FILIP1L: variants seen among roughly 807,000 people sequenced by gnomAD.
FILIP1L encodes filamin A interacting protein 1 like.
A neutral mutation model predicts 96.6 loss-of-function variants in FILIP1L; 55 were observed. The ratio of observed to expected loss-of-function variants is 0.57; its 90% CI spans 0.46 to 0.71. The LOEUF (loss-of-function observed/expected upper bound fraction) is 0.71, where lower values mean the gene tolerates loss of function less well. FILIP1L is among the 30% of genes least tolerant of loss of function. The probability of loss-of-function intolerance (pLI) is 0.00; values close to 1 mark genes in which losing one functional copy is unlikely to be tolerated. For missense variants in FILIP1L, 1,304 were observed against 1,321.2 expected, an observed-to-expected ratio of 0.99 and a Z score of 0.20; for synonymous variants, 467 against 473.9, an observed-to-expected ratio of 0.99 and a Z score of 0.19.
At chr3:99,896,206 A>G (rs1706246947) in intron 4 of FILIP1L, among the ~76,000 whole-genome samples, 5 of 152,238 alleles carry the variant, frequency 3.3e-5, no homozygotes, top group Admixed American at 3.3e-4. Context: ...TAAAGGGAGT[A>G]GGTCAGAGAT....
chr3:100,091,280 G>A (rs1463610899), intron 1 of FILIP1L, among the ~76,000 whole-genome samples: 12 of 134,298 alleles, frequency 8.9e-5, no homozygotes, highest in Non-Finnish European at 1.7e-4. Context: ...GCGAGACTCC[G>A]TCTCAAAAAA....
At chr3:100,065,745 A>G (rs2065652928) in intron 1 of FILIP1L, among the ~76,000 whole-genome samples, 1 of 152,234 alleles carries the variant, frequency 6.6e-6, no homozygotes, top group Non-Finnish European at 1.5e-5. Context: ...TTAGTCCAAC[A>G]GCCTCTCAGT....
chr3:99,925,587 A>T (rs911066579), intron 3 of FILIP1L, among the ~76,000 whole-genome samples: 17 of 148,006 alleles, frequency 1.1e-4, no homozygotes, highest in Admixed American at 2.1e-4. Context: ...TTTAAAAAAA[A>T]TTTTTGATTA....
At chr3:99,871,319 G>A (rs560436113) in intron 4 of FILIP1L, among the ~76,000 whole-genome samples, 2 of 151,582 alleles carry the variant, frequency 1.3e-5, no homozygotes, top group South Asian at 4.2e-4. Flanking sequence ...CTTTTTTTTT[G>A]TATCAAATAA....
chr3:100,064,761 G>A lies in FILIP1L; in HGVS notation c.-11+49292C>T, dbSNP rs187659328. ...CTGTAAGAACATTCTAATAAGTTCC[G>A]TGTTGCTGTCTACTACATGAGAGTC... On this transcript the variant is annotated intron_variant, in intron 1 of 5. Coordinates refer to ENST00000477258, the MANE Select transcript of FILIP1L (RefSeq NM_001387850.1). Among the ~76,000 whole-genome samples, 26 of 152,186 alleles carry A rather than the reference G, an allele frequency of 1.7e-4. No homozygotes were observed. The South Asian group carries it at 2.1e-3, about 12-fold the overall frequency.
At chr3:99,969,609 A>G (rs924737922) in intron 1 of FILIP1L, among the ~76,000 whole-genome samples, 1 of 152,186 alleles carries the variant, frequency 6.6e-6, no homozygotes, top group Non-Finnish European at 1.5e-5. Context: ...TCAAGGAACT[A>G]TGGTTTTCCA....
At chr3:99,847,918 C>A in intron 5 of FILIP1L, 1 of 987,794 alleles carries the variant, frequency 1.0e-6, no homozygotes, top group Non-Finnish European at 1.2e-6. Context: ...GAAAATTCAG[C>A]AAGCAATGGT....
chr3:99,907,951 T>C (rs764520744), intron 4 of FILIP1L, among the ~76,000 whole-genome samples: 19 of 152,204 alleles, frequency 1.2e-4, no homozygotes, highest in Non-Finnish European at 2.5e-4. Flanking sequence ...CATTTTGAAA[T>C]GAATGAATAA....
chr3:100,071,280 G>T (rs891719094), intron 1 of FILIP1L, among the ~76,000 whole-genome samples: 1 of 152,004 alleles, frequency 6.6e-6, no homozygotes, highest in Non-Finnish European at 1.5e-5. Context: ...TACATAACTA[G>T]CTGGGTAAGA....
chr3:99,950,967 T>C (rs1424485572), intron 1 of FILIP1L, among the ~76,000 whole-genome samples: 1 of 152,232 alleles, frequency 6.6e-6, no homozygotes, highest in African/African-American at 2.4e-5. Flanking sequence ...GCCCTTGGAA[T>C]AACTCAAAAC....
intron 4 of FILIP1L, among the ~76,000 whole-genome samples, chr3:99,896,955 C>T (rs1435633105): frequency 2.6e-5 from 4 of 152,196 alleles, no homozygotes; most frequent in South Asian, 4.1e-4. Context: ...TATTTTCAGT[C>T]GCAAAATTTA....
At chr3:99,938,898 T>G (rs1329735432) in intron 1 of FILIP1L, among the ~76,000 whole-genome samples, 1 of 152,208 alleles carries the variant, frequency 6.6e-6, no homozygotes, top group African/African-American at 2.4e-5. Context: ...CTCAGCCAGC[T>G]GCAGTAAAGC....
At chr3:99,952,726 G>A (rs1026436306) in intron 1 of FILIP1L, among the ~76,000 whole-genome samples, 1 of 152,116 alleles carries the variant, frequency 6.6e-6, no homozygotes, top group Non-Finnish European at 1.5e-5. Flanking sequence ...TACTAGCTTT[G>A]AGTGAAGAAG....
Position 99,850,166 on chromosome 3 carries a change from G to T in FILIP1L, c.1510C>A (p.Arg504=). Residue 504 remains arginine (R), a synonymous_variant, in exon 5 of 6, where the codon CGG becomes AGG. Transcript: ENST00000477258. ...KTLTVMFVDE[R]KTMSEKLKKT... ...TTTAATTTTTCACTCATTGTTTTCC[G>T]TTCATCTACAAACATCACAGTTAAT... The T allele has an allele frequency of 2.5e-6, 4 of 1,610,504 alleles. No individual in the cohort carries two copies. Among genetic ancestry groups the T allele is most frequent in the Non-Finnish European group, 3.4e-6 (4 of 1,179,350 alleles).
At chr3:99,904,706 G>A (rs533747981) in intron 4 of FILIP1L, among the ~76,000 whole-genome samples, 4 of 151,856 alleles carry the variant, frequency 2.6e-5, no homozygotes, top group Admixed American at 2.0e-4. Context: ...TATCACTGTA[G>A]CAACTACCTC....
At chr3:100,020,061 C>T (rs1212464019) in intron 1 of FILIP1L, among the ~76,000 whole-genome samples, 1 of 152,098 alleles carries the variant, frequency 6.6e-6, no homozygotes, top group Non-Finnish European at 1.5e-5. Flanking sequence ...TTTCTTGTTC[C>T]CTGGAAAGCC....
chr3:100,025,838 A>C (rs887618340), intron 1 of FILIP1L, among the ~76,000 whole-genome samples: 8 of 152,154 alleles, frequency 5.3e-5, no homozygotes, highest in Admixed American at 5.2e-4. Flanking sequence ...AGCCCAGGGA[A>C]GATAAATAAT....
At chr3:100,025,662 G>A (rs969805997) in intron 1 of FILIP1L, 4 of 152,092 alleles carry the variant, frequency 2.6e-5, no homozygotes, top group African/African-American at 9.7e-5. Flanking sequence ...TGTTTGCTGA[G>A]GAGAAACATA....
Position 99,988,341 on chromosome 3 carries a change from C to CAAAAAAAAA in FILIP1L, c.-10-57320_-10-57312dup, listed in dbSNP as rs63321762. Among the ~76,000 whole-genome samples the CAAAAAAAAA allele has an allele frequency of 5.4e-3, 321 of 59,834 alleles. 1 individual carries two copies. The highest frequency in any genetic ancestry group is 0.012 in the Middle Eastern group (1 of 82). The allele number at this position is 59,834 out of a possible 152,430, so 39.3% of individuals were successfully genotyped here. A position where few individuals can be genotyped will look rare whatever the true frequency, so the allele number is the denominator to read the frequency against. ...CAAAACCCCACCTCTACTAAAAATCCAAAAAAAAAAAAAAAAAAAAAATTA... is the reference window on the plus strand; with the variant it reads ...CAAAACCCCACCTCTACTAAAAATCCAAAAAAAAAAAAAAAAAAAAAAAAAAAAAAATTA... On this transcript the variant is annotated intron_variant, in intron 1 of 5. Transcript: ENST00000477258.
Sources: gnomAD v4.1 joint callset for allele counts (sites outside exome capture counted in the v4.1 genomes callset) on GRCh38, gnomAD v4.1.1 for gene constraint, MANE v1.5 for transcripts, NCBI Gene and HGNC (gene_info 2026-07-23, HGNC 2026-07-21) for gene names.